Variants in FAM153A observed in about 807,000 individuals in gnomAD.
The protein encoded by FAM153A is family with sequence similarity 153 member A.
A neutral mutation model predicts 48.1 loss-of-function variants in FAM153A; 12 were observed. That is an observed-to-expected ratio of 0.25 (90% CI 0.16 to 0.40). The LOEUF is 0.40. Ranked by LOEUF, FAM153A falls within the 10% of genes least tolerant of loss-of-function variation. The pLI, the probability that FAM153A is intolerant of heterozygous loss-of-function variation, is 1.00. For synonymous variants in FAM153A, 36 were observed against 118.2 expected (o/e 0.30, Z 4.51); for missense variants, 111 against 345.8 (o/e 0.32, Z 5.38).
downstream of FAM153A, among the ~76,000 whole-genome samples, chr5:177,705,097 A>G (rs2127542323): frequency 6.6e-6 from 1 of 150,566 alleles, no homozygotes; most frequent in East Asian, 2.0e-4. Flanking sequence ...TGAGGTCTGG[A>G]GTTCAAAACC....
rs1464393197 is a variant in FAM153A, at chr5:177,738,942, C to T, written c.562+171G>A. 4.0e-5 allele frequency among the ~76,000 whole-genome samples: 6 copies of T among 149,974 alleles called. 1 individual carries two copies. The highest frequency in any genetic ancestry group is 2.1e-4 in the South Asian group (1 of 4,752). On this transcript the variant is annotated intron_variant, in intron 10 of 20. Transcript: ENST00000614127. ...ATGACACGGCAGCTAACAGAGACTA[C>T]GTAGGATGGTCACCACTCGTCAGTA...
chr5:177,694,828 T>G, the FAM153A span, among the ~76,000 whole-genome samples: 2 of 148,188 alleles, frequency 1.3e-5, no homozygotes, highest in African/African-American at 2.5e-5. Context: ...TCTTGTTGCT[T>G]TCCCTCAATC....
In FAM153A at chr5:177,729,289, T is replaced by G. The variant is rs866658647; in HGVS notation, c.933+196A>C. On this transcript the variant is annotated intron_variant, in intron 17 of 20. Transcript: ENST00000614127. ...GAATTTCTCTTAAGGAAAATGCCTG[T>G]TGACACACAGTTTGTAAGTGTGGAT... Among the ~76,000 whole-genome samples, 2 of 120,456 alleles carry G rather than the reference T, an allele frequency of 1.7e-5. 1 individual carries two copies. Among genetic ancestry groups the G allele is most frequent in the Non-Finnish European group, 3.7e-5 (2 of 53,700 alleles). 79.0% of individuals were successfully genotyped at this position (120,456 alleles called of 152,430 possible).
chr5:177,696,345 C>T, the FAM153A span, among the ~76,000 whole-genome samples: 107 of 142,028 alleles, frequency 7.5e-4, no homozygotes, highest in East Asian at 5.7e-3. Flanking sequence ...GATGGGCGGC[C>T]GGGCAGAGGC....
At chr5:177,702,936 G>A in the FAM153A span, among the ~76,000 whole-genome samples, 1 of 152,028 alleles carries the variant, frequency 6.6e-6, no homozygotes, top group Non-Finnish European at 1.5e-5. Context: ...CTCCATGAAG[G>A]CTCTGCCCCA....
intron 1 of FAM153A, among the ~76,000 whole-genome samples, chr5:177,769,021 A>G (rs1768938019): frequency 1.1e-5 from 1 of 89,058 alleles, no homozygotes; most frequent in Non-Finnish European, 2.3e-5. Flanking sequence ...CAGGAGATCA[A>G]GACCATCCTG....
rs776732005 is a variant in FAM153A, at chr5:177,724,083, AG to A, written c.*29del. On this transcript the variant is annotated 3_prime_UTR_variant, in exon 21 of 21. Coordinates refer to ENST00000614127, the Ensembl canonical transcript of FAM153A. ...TGTCTGTTTCCTGGAGCATGTTCTC[AG>A]GGCATCCTTCACTTGCCTTCAGAGG... 4.3e-6 allele frequency: 7 copies of A among 1,610,962 alleles called. No homozygotes were observed. In the South Asian group the frequency reaches 7.7e-5, roughly 18 times the overall value.
chr5:177,716,963 T>TTGTGTGTGTGTGTGTGTG (rs1561866290), intron 24 of FAM153A, among the ~76,000 whole-genome samples: 4 of 56,354 alleles, frequency 7.1e-5, no homozygotes, highest in African/African-American at 3.0e-4. Context: ...CATTCCCGCT[T>TTGTGTGTGTGTGTGTGTG]AGTGTGTGTG....
chr5:177,709,037 A>G (rs1247648571), downstream of FAM153A, among the ~76,000 whole-genome samples: 3 of 132,056 alleles, frequency 2.3e-5, no homozygotes, highest in African/African-American at 5.7e-5. Flanking sequence ...AGAGGTTGCA[A>G]TGAGCCGAGA....
intron 1 of FAM153A, among the ~76,000 whole-genome samples, chr5:177,758,495 C>A (rs1208050994): frequency 1.4e-5 from 2 of 139,874 alleles, no homozygotes; most frequent in Admixed American, 7.1e-5. Flanking sequence ...CATATGGAAC[C>A]AAAAAAGAGC....
intron 3 of FAM153A, 137 bp from the exon 6 acceptor site, chr5:177,747,930 T>C: frequency 6.3e-6 from 2 of 315,576 alleles, no homozygotes; most frequent in Non-Finnish European, 1.1e-5. Flanking sequence ...TTTCTTTCTT[T>C]CTCTTTTTCT....
chr5:177,705,658 C>CT (rs70994931), downstream of FAM153A, among the ~76,000 whole-genome samples: 2,050 of 79,762 alleles, frequency 0.026, 107 homozygotes, highest in African/African-American at 0.076. Context: ...TTTTCTTTTT[C>CT]TTTTTTTTTT....
intron 18 of FAM153A, among the ~76,000 whole-genome samples, chr5:177,726,458 C>CA (rs1488784221): frequency 3.2e-3 from 488 of 151,660 alleles, no homozygotes; most frequent in African/African-American, 0.011. Flanking sequence ...CATTAAGATA[C>CA]AAAAAATCCC....
upstream of FAM153A, among the ~76,000 whole-genome samples, chr5:177,755,502 T>A (rs560223818): frequency 1.4e-3 from 218 of 151,730 alleles, 4 homozygotes; most frequent in African/African-American, 5.2e-3. Context: ...AACATACTCC[T>A]CGAGAAGAGG....
In FAM153A at chr5:177,739,539, G is replaced by A. The variant is rs774626915; in HGVS notation, c.537+61C>T. On this transcript the variant is annotated intron_variant, in intron 9 of 20. Transcript: ENST00000614127. ...AAGATTTTCCTATCTTTATTCAAGT[G>A]AAATTGAAAGAAACCTAGGAAAATG... 12 of 870,480 alleles carry A rather than the reference G, an allele frequency of 1.4e-5. 1 individual carries two copies. The highest frequency in any genetic ancestry group is 1.8e-5 in the Non-Finnish European group (11 of 599,864). 53.9% of individuals were successfully genotyped at this position (870,480 alleles called of 1,614,324 possible).
At chr5:177,728,695 G>T (rs1314380118) in intron 18 of FAM153A, among the ~76,000 whole-genome samples, 1 of 150,792 alleles carries the variant, frequency 6.6e-6, no homozygotes, top group African/African-American at 2.5e-5. Context: ...GGCCTCCTGA[G>T]TAGCTGGGAT....
upstream of FAM153A, among the ~76,000 whole-genome samples, chr5:177,754,473 G>C (rs1165948173): frequency 6.6e-6 from 1 of 151,892 alleles, no homozygotes; most frequent in Non-Finnish European, 1.5e-5. Flanking sequence ...CTGTCTGACA[G>C]CTTTGAAGAG....
chr5:177,711,041 C>A (rs1340579799), downstream of FAM153A: 2 of 151,678 alleles, frequency 1.3e-5, no homozygotes, highest in Non-Finnish European at 2.9e-5. Context: ...AAGTTCTGTT[C>A]AAATAAATAT....
chr5:177,760,253 T>TTTTTTTG, intron 1 of FAM153A, among the ~76,000 whole-genome samples: 1 of 119,146 alleles, frequency 8.4e-6, no homozygotes, highest in African/African-American at 3.5e-5. Context: ...TTTTTTTTTT[T>TTTTTTTG]TGAGATGGAG....
Sources: gnomAD v4.1 joint callset for allele counts (sites outside exome capture counted in the v4.1 genomes callset) on GRCh38, gnomAD v4.1.1 for gene constraint, MANE v1.5 for transcripts, NCBI Gene and HGNC (gene_info 2026-07-23, HGNC 2026-07-21) for gene names.